PTPRD: variants seen among roughly 807,000 people sequenced by gnomAD.
PTPRD encodes the protein receptor-type tyrosine-protein phosphatase delta.
PTPRD carries 34 observed loss-of-function variants against 214.5 expected under a neutral mutation model. The ratio of observed to expected loss-of-function variants is 0.16; its 90% confidence interval spans 0.12 to 0.21. The LOEUF (loss-of-function observed/expected upper bound fraction) is 0.21, where lower values mean the gene tolerates loss of function less well. Ranked by LOEUF, PTPRD falls within the 10% of genes least tolerant of loss-of-function variation. The pLI is 1.00. For synonymous variants in PTPRD, 1,128 were observed against 845.7 expected, an observed-to-expected ratio of 1.33 and a Z score of -5.79; for missense variants, 2,545 against 2,398.7, an observed-to-expected ratio of 1.06 and a Z score of -1.27.
At chr9:9,710,143 G>A (rs1414696256) in intron 7 of PTPRD, among the ~76,000 whole-genome samples, 2 of 152,030 alleles carry the variant, frequency 1.3e-5, no homozygotes, top group African/African-American at 4.8e-5. Flanking sequence ...TATCTGTGTA[G>A]CAAATACATT....
intron 10 of PTPRD, among the ~76,000 whole-genome samples, chr9:9,120,155 A>T (rs2099816242): frequency 6.6e-6 from 1 of 152,226 alleles, no homozygotes. Flanking sequence ...GGAAATTCAC[A>T]GTGCACATTG....
intron 3 of PTPRD, among the ~76,000 whole-genome samples, chr9:10,123,090 C>G (rs1214950327): frequency 1.3e-5 from 2 of 152,184 alleles, no homozygotes; most frequent in African/African-American, 4.8e-5. Context: ...TAGTAAAAAG[C>G]TGGACATTTA....
At position 9,102,375 on chromosome 9, in the gene PTPRD, A is replaced by G. The variant is rs1440411784; in HGVS notation, c.-143+80929T>C. Among the ~76,000 whole-genome samples, 4 of 152,208 alleles carry G rather than the reference A, an allele frequency of 2.6e-5. No homozygotes were observed. The East Asian group carries it at 5.8e-4, about 22-fold the overall frequency. On this transcript the variant is annotated intron_variant, in intron 10 of 45. Transcript: ENST00000381196. ...GTAGGGGTGATGATCTAAACAGAAG[A>G]AAATGGCCAGTTTGAGCCATTGAAC...
intron 7 of PTPRD, among the ~76,000 whole-genome samples, chr9:9,577,176 C>T (rs1334338320): frequency 1.3e-5 from 2 of 152,046 alleles, no homozygotes; most frequent in Admixed American, 1.3e-4. Context: ...TTTAGGCATA[C>T]AAGAAGGTCA....
intron 3 of PTPRD, among the ~76,000 whole-genome samples, chr9:10,309,658 C>T (rs1449536758): frequency 2.0e-5 from 3 of 151,926 alleles, no homozygotes; most frequent in East Asian, 1.9e-4. Flanking sequence ...AACCACCACA[C>T]CTGGCGCCAA....
chr9:9,966,579 C>G (rs1016190046), intron 4 of PTPRD, among the ~76,000 whole-genome samples: 1 of 152,090 alleles, frequency 6.6e-6, no homozygotes, highest in Non-Finnish European at 1.5e-5. Context: ...AAGATATGCC[C>G]TGCTTATTAT....
At chr9:8,333,698 T>G (rs1015634738) in intron 43 of PTPRD, among the ~76,000 whole-genome samples, 2 of 152,110 alleles carry the variant, frequency 1.3e-5, no homozygotes, top group African/African-American at 4.8e-5. Flanking sequence ...AATTTGCATA[T>G]AACAATATTA....
chr9:8,327,533 T>C (rs891181645), intron 44 of PTPRD, among the ~76,000 whole-genome samples: 5 of 152,192 alleles, frequency 3.3e-5, no homozygotes, highest in African/African-American at 9.7e-5. Flanking sequence ...GAGAGTTCTG[T>C]AGATGTGTAT....
rs1555421845 is a variant in PTPRD, at chr9:9,450,986, C to CAG, written c.-236-53506_-236-53505dup. ...ACACACACACACACACACACACACACAGACACACAGTCAAATAACTGTATC... is the reference window on the plus strand; with the variant it reads ...ACACACACACACACACACACACACACAGAGACACACAGTCAAATAACTGTATC... On this transcript the variant is annotated intron_variant, in intron 8 of 45. Coordinates refer to ENST00000381196, the MANE Select transcript of PTPRD (RefSeq NM_002839.4). Among the ~76,000 whole-genome samples the CAG allele has an allele frequency of 3.8e-3, 572 of 150,740 alleles. 3 individuals carry two copies. The highest frequency in any genetic ancestry group is 0.013 in the African/African-American group (518 of 41,058).
intron 8 of PTPRD, among the ~76,000 whole-genome samples, chr9:9,410,614 G>A (rs1426989723): frequency 6.6e-6 from 1 of 152,116 alleles, no homozygotes; most frequent in Non-Finnish European, 1.5e-5. Flanking sequence ...GGCTTTTGCT[G>A]GTGGAGGGAA....
rs150549713 is a variant in PTPRD, at chr9:9,911,738, T to C, written c.-368+26769A>G. The stretch of plus-strand genomic sequence containing the variant: ...TAGGATATAGGAAGCAAAATTAATA[T>C]AACTTTTTATTTCTACTTTTAAGTA... On this transcript the variant is annotated intron_variant, in intron 5 of 45. Transcript: ENST00000381196. Among the ~76,000 whole-genome samples the C allele has an allele frequency of 8.3e-3, 1,261 of 152,240 alleles. 9 individuals carry two copies. Among genetic ancestry groups the C allele is most frequent in the Non-Finnish European group, 0.013 (905 of 67,970 alleles).
chr9:8,348,106 C>T (rs1326473495), intron 39 of PTPRD, among the ~76,000 whole-genome samples: 1 of 152,122 alleles, frequency 6.6e-6, no homozygotes, highest in Non-Finnish European at 1.5e-5. Context: ...AAGCCATCGG[C>T]TGAAAGGCAG....
chr9:8,879,973 G>C (rs776908509), intron 11 of PTPRD, among the ~76,000 whole-genome samples: 1 of 152,118 alleles, frequency 6.6e-6, no homozygotes, highest in African/African-American at 2.4e-5. Flanking sequence ...CTCCCTCCCT[G>C]ACTCCTTAAG....
At chr9:9,263,051 C>T (rs2099980826) in intron 9 of PTPRD, among the ~76,000 whole-genome samples, 1 of 151,630 alleles carries the variant, frequency 6.6e-6, no homozygotes, top group South Asian at 2.1e-4. Context: ...AATAGAAATG[C>T]TAATCCTCAG....
intron 6 of PTPRD, among the ~76,000 whole-genome samples, chr9:9,760,365 T>C (rs1007985019): frequency 7.9e-5 from 12 of 152,140 alleles, no homozygotes; most frequent in Non-Finnish European, 1.3e-4. Flanking sequence ...TTTATTTACA[T>C]ACAGTAAAAT....
intron 7 of PTPRD, among the ~76,000 whole-genome samples, chr9:9,646,305 G>T (rs1310643781): frequency 7.0e-6 from 1 of 142,466 alleles, no homozygotes; most frequent in Non-Finnish European, 1.5e-5. Context: ...TGGGAGGGGT[G>T]TGTGTGTGTG....
At chr9:9,962,855 A>C (rs958822521) in intron 4 of PTPRD, among the ~76,000 whole-genome samples, 1 of 152,094 alleles carries the variant, frequency 6.6e-6, no homozygotes, top group Admixed American at 6.5e-5. Flanking sequence ...ATAGTAGCAC[A>C]ATTTTCAAGT....
chr9:9,618,285 T>C (rs1300686430), intron 7 of PTPRD, among the ~76,000 whole-genome samples: 1 of 151,902 alleles, frequency 6.6e-6, no homozygotes, highest in African/African-American at 2.4e-5. Context: ...AAGACAGTAG[T>C]ATTATCACAA....
rs547201822 is a variant in PTPRD, at chr9:8,946,303, A to G, written c.-104+72394T>C. Among the ~76,000 whole-genome samples the G allele has an allele frequency of 5.3e-5, 8 of 152,216 alleles. 1 individual carries two copies. The highest frequency in any genetic ancestry group is 3.9e-4 in the Admixed American group (6 of 15,268). ...TCATGGCTTGAGATAAAATTAATCA[A>G]AAGTCTTAAAACGGAGACCACCCCC... On this transcript the variant is annotated intron_variant, in intron 11 of 45. Transcript: ENST00000381196.
Sources: allele counts gnomAD v4.1 joint callset (sites outside exome capture counted in the v4.1 genomes callset), GRCh38; gene constraint gnomAD v4.1.1; transcripts MANE v1.5; gene names NCBI Gene and HGNC (gene_info 2026-07-23, HGNC 2026-07-21).